Variants in COG4 observed in about 807,000 individuals in gnomAD.
COG4 encodes the protein conserved oligomeric Golgi complex subunit 4.
Under a neutral mutation model 95.1 loss-of-function variants are expected in COG4, and 65 were observed. The ratio of observed to expected loss-of-function variants is 0.68; its 90% CI spans 0.56 to 0.84. COG4 has a LOEUF of 0.84. Among genes scored for constraint, COG4 ranks in the 40% least tolerant of loss-of-function variants. The pLI is 0.00. For missense variants in COG4, 1,045 were observed against 989.1 expected (o/e 1.06, Z -0.76); for synonymous variants, 421 against 374.8 (o/e 1.12, Z -1.42).
intron 3 of COG4, among the ~76,000 whole-genome samples, chr16:70,516,328 T>TTG (rs1375853755): frequency 1.3e-5 from 2 of 151,496 alleles, no homozygotes; most frequent in African/African-American, 4.9e-5. Flanking sequence ...AGACAGAATC[T>TTG]CTCTGTCGCC....
intron 4 of COG4, among the ~76,000 whole-genome samples, chr16:70,512,861 C>T (rs1360227297): frequency 6.6e-6 from 1 of 152,130 alleles, no homozygotes; most frequent in Non-Finnish European, 1.5e-5. Context: ...GCCTGTAGTC[C>T]CAGTTACTCA....
chr16:70,490,917 C>T (rs2049231104), intron 12 of COG4, among the ~76,000 whole-genome samples: 1 of 151,980 alleles, frequency 6.6e-6, no homozygotes, highest in African/African-American at 2.4e-5. Flanking sequence ...CCTCGGCCTC[C>T]CAAAGTGCTG....
chr16:70,523,088 T>G, intron 1 of COG4: 1 of 491,752 alleles, frequency 2.0e-6, no homozygotes, highest in Non-Finnish European at 3.7e-6. Flanking sequence ...CAGACTAACT[T>G]TACTCCCGTG....
chr16:70,505,819 ACT>A (rs1164606750), intron 8 of COG4, among the ~76,000 whole-genome samples: 4 of 151,562 alleles, frequency 2.6e-5, no homozygotes, highest in African/African-American at 9.7e-5. Context: ...AAAGAGTGAG[ACT>A]CTGTCTCAAA....
intron 12 of COG4, among the ~76,000 whole-genome samples, chr16:70,490,676 T>G (rs1257547424): frequency 6.6e-6 from 1 of 151,994 alleles, no homozygotes; most frequent in East Asian, 1.9e-4. Context: ...CAGGTCTTCT[T>G]TTTTTGTTTG....
chr16:70,517,174 T>C (rs975195277), intron 3 of COG4, among the ~76,000 whole-genome samples: 1 of 152,030 alleles, frequency 6.6e-6, no homozygotes, highest in South Asian at 2.1e-4. Context: ...GATGGGATTG[T>C]AGGTGTTAGT....
chr16:70,500,864 A>G (rs1296030749), intron 9 of COG4, 94 bp downstream of exon 9: 13 of 1,503,246 alleles, frequency 8.6e-6, no homozygotes, highest in Non-Finnish European at 1.2e-5. Context: ...ATAAGTTCCA[A>G]TTGTTTCCTT....
Position 70,497,297 on chromosome 16 carries a change from C to A in COG4, c.1405G>T (p.Ala469Ser). The A allele has an allele frequency of 6.2e-7, 1 of 1,614,078 alleles. No individual in the cohort carries two copies. The change falls in exon 11 of 19, where the codon GCT becomes TCT. Residue 469 changes from alanine to serine, a missense_variant. Ala to Ser is a moderately conservative substitution (Grantham distance 99). Coordinates refer to ENST00000323786, the MANE Select transcript of COG4 (RefSeq NM_015386.3). The part of the protein sequence containing the change: ...FYIVKKCIGR[A>S]LSSSSIDCLC... ...CAGTCAATGCTGGAGCTGGACAGAGCCCGCCCAATGCACTTCTTAACAATG... is the reference window on the plus strand; with the variant it reads ...CAGTCAATGCTGGAGCTGGACAGAGACCGCCCAATGCACTTCTTAACAATG...
At chr16:70,481,997 A>C (rs564115367) in intron 16 of COG4, 95 bp downstream of exon 16, 2 of 1,356,158 alleles carry the variant, frequency 1.5e-6, no homozygotes, top group Non-Finnish European at 2.1e-6. Context: ...AAGGGCTTTC[A>C]GGGTCCCCAG....
In COG4 at chr16:70,483,930, C is replaced by T. The variant is rs1403089742; in HGVS notation, c.1750G>A (p.Glu584Lys). ...TKLFSQGIGG[E>K]QAQAKFDSCL... ...CTGTCAAACTTGGCCTGGGCCTGCT[C>T]CCCTCCAATGCCCTGGCTGAAGAGC... Residue 584 changes from glutamate (E) to lysine (K), a missense_variant, in exon 14 of 19, where the codon GAG (glutamate) becomes AAG (lysine). Transcript: ENST00000323786. 1.2e-6 allele frequency: 2 copies of T among 1,613,234 alleles called. No individual in the cohort carries two copies. Among genetic ancestry groups the T allele is most frequent in the Admixed American group, 1.7e-5 (1 of 60,022 alleles).
At chr16:70,518,589 T>C (rs1216632238) in intron 2 of COG4, among the ~76,000 whole-genome samples, 1 of 152,074 alleles carries the variant, frequency 6.6e-6, no homozygotes, top group Non-Finnish European at 1.5e-5. Flanking sequence ...ATCCTCTAGA[T>C]GAGGCCTCCC....
At chr16:70,498,131 G>T (rs1468095714) in intron 9 of COG4, 76 bp from the exon 10 acceptor site, 1 of 869,992 alleles carries the variant, frequency 1.1e-6, no homozygotes, top group South Asian at 1.3e-5. Flanking sequence ...ATTTTTTCAG[G>T]TTCCTTTATA....
At chr16:70,487,537 G>A (rs1207024016) in intron 13 of COG4, among the ~76,000 whole-genome samples, 4 of 152,138 alleles carry the variant, frequency 2.6e-5, no homozygotes, top group Non-Finnish European at 4.4e-5. Flanking sequence ...AGCTGAGATC[G>A]CGCCATTGCA....
Position 70,517,857 on chromosome 16 carries a change from G to C in COG4, c.255-117C>G, listed in dbSNP as rs900360144. ...CTTTCATACCTACCTGTAACTCTTA[G>C]CTCAGTTTGCTCTATACTCAGCTTT... On this transcript the variant is annotated intron_variant, in intron 2 of 18. Coordinates refer to ENST00000323786, the MANE Select transcript of COG4 (RefSeq NM_015386.3). The C allele has an allele frequency of 7.7e-5, 55 of 718,196 alleles. No individual in the cohort carries two copies. The African/African-American group carries it at 8.8e-4, about 12-fold the overall frequency. The allele number at this position is 718,196 out of a possible 1,614,324, so 44.5% of individuals were successfully genotyped here. A position where few individuals can be genotyped will look rare whatever the true frequency, so the allele number is the denominator to read the frequency against.
At chr16:70,490,486 C>G in intron 12 of COG4, 94 bp from the exon 13 acceptor site, 1 of 1,015,376 alleles carries the variant, frequency 9.8e-7, no homozygotes, top group Non-Finnish European at 1.6e-6. Context: ...CTCCATGAAG[C>G]TCAGAGAAGG....
At chr16:70,522,803 A>G (rs1455151131) in intron 1 of COG4, among the ~76,000 whole-genome samples, 2 of 152,206 alleles carry the variant, frequency 1.3e-5, no homozygotes, top group East Asian at 3.8e-4. Context: ...ATAAAATATC[A>G]AGGGTACCAG....
rs1387844401 is a variant in COG4, at chr16:70,503,855, A to G, written c.1062-2764T>C. On this transcript the variant is annotated intron_variant, in intron 8 of 18. Transcript: ENST00000323786. ...GTGATCCGCCCGCCTCGGCCTCCCA[A>G]AGTGCTGGGATTACAGGCGTGAGCC... is the stretch of plus-strand genomic sequence containing the variant. Among the ~76,000 whole-genome samples, 6 of 151,126 alleles carry G rather than the reference A, an allele frequency of 4.0e-5. No homozygotes were observed. The East Asian group carries it at 9.7e-4, about 24-fold the overall frequency.
chr16:70,520,970 AT>A (rs1443444217), intron 1 of COG4, among the ~76,000 whole-genome samples: 3 of 152,114 alleles, frequency 2.0e-5, no homozygotes, highest in Non-Finnish European at 4.4e-5. Flanking sequence ...ATACATTTTT[AT>A]TTTTTGCGGG....
At chr16:70,483,693 C>G (rs752891569) in intron 14 of COG4, among the ~76,000 whole-genome samples, 160 bp downstream of exon 14, 2 of 152,122 alleles carry the variant, frequency 1.3e-5, no homozygotes, top group Non-Finnish European at 2.9e-5. Context: ...CCAACAGGGC[C>G]TTTAGTCTCA....
Sources: gnomAD v4.1 joint callset for allele counts (sites outside exome capture counted in the v4.1 genomes callset) on GRCh38, gnomAD v4.1.1 for gene constraint, MANE v1.5 for transcripts, NCBI Gene and HGNC (gene_info 2026-07-23, HGNC 2026-07-21) for gene names.